Variants in CCDC126 observed in about 807,000 individuals in gnomAD.
CCDC126 encodes coiled-coil domain containing 126, also known as coiled-coil domain-containing protein 126.
In CCDC126, 5 loss-of-function variants were observed where a neutral mutation model predicts 11.7. The ratio of observed to expected loss-of-function variants is 0.43; its 90% CI spans 0.22 to 0.90. The LOEUF is 0.90. Among genes scored for constraint, CCDC126 ranks in the 40% least tolerant of loss-of-function variants. CCDC126 has a pLI of 0.27. For synonymous variants in CCDC126, 60 were observed against 61.9 expected (o/e 0.97, Z 0.14); for missense variants, 150 against 163.1 (o/e 0.92, Z 0.44).
rs1324863611 is a variant in CCDC126 at position 23,636,793 on chromosome 7, C to G, written c.239-6138C>G. ...GTGGGGGGGGGGTCAGCCCCCCGCC[C>G]GGCCAGCCGCCCCGTCCGGGAGGTG... On this transcript the variant is annotated intron_variant, in intron 3 of 3. Coordinates refer to ENST00000307471, the MANE Select transcript of CCDC126 (RefSeq NM_138771.4). Among the ~76,000 whole-genome samples the G allele has an allele frequency of 5.2e-5, 7 of 135,900 alleles. 1 individual carries two copies. Among genetic ancestry groups the G allele is most frequent in the Non-Finnish European group, 1.6e-5 (1 of 62,204 alleles). The allele number at this position is 135,900 out of a possible 152,430, so 89.2% of individuals were successfully genotyped here. A position where few individuals can be genotyped will look rare whatever the true frequency, so the allele number is the denominator to read the frequency against.
At chr7:23,623,755 T>C (rs1294287383) in intron 3 of CCDC126, among the ~76,000 whole-genome samples, 1 of 152,194 alleles carries the variant, frequency 6.6e-6, no homozygotes, top group Non-Finnish European at 1.5e-5. Context: ...CACAGAAATA[T>C]ATTTGAAGTA....
intron 3 of CCDC126, among the ~76,000 whole-genome samples, chr7:23,627,941 T>C (rs114541736): frequency 3.4e-3 from 511 of 152,266 alleles, no homozygotes; most frequent in African/African-American, 0.012. Context: ...AAATAATAGT[T>C]TAAAAATTAT....
At position 23,643,791 on chromosome 7, in the gene CCDC126, G is replaced by T. The variant is rs1783409306; in HGVS notation, c.*676G>T. 1 of 152,118 alleles carries T rather than the reference G, an allele frequency of 6.6e-6. No individual in the cohort carries two copies. Among genetic ancestry groups the T allele is most frequent in the Non-Finnish European group, 1.5e-5 (1 of 67,962 alleles). The allele number at this position is 152,118 out of a possible 1,614,324, so 9.4% of individuals were successfully genotyped here. A position where few individuals can be genotyped will look rare whatever the true frequency, so the allele number is the denominator to read the frequency against. On this transcript the variant is annotated 3_prime_UTR_variant, in exon 4 of 4. Transcript: ENST00000307471. Reference sequence around the variant, plus strand: ...TCCATTACCTATCGTAAACATTGGGGCAATTTAATAACAGCATTAAAATAG... The same window carrying T: ...TCCATTACCTATCGTAAACATTGGGTCAATTTAATAACAGCATTAAAATAG...
chr7:23,622,624 A>G, intron 3 of CCDC126: 2 of 536,304 alleles, frequency 3.7e-6, no homozygotes, highest in Non-Finnish European at 7.6e-6. Context: ...CTCTAAGGAT[A>G]GCCAAGGATC....
intron 3 of CCDC126, among the ~76,000 whole-genome samples, chr7:23,635,567 A>G (rs991070436): frequency 6.6e-6 from 1 of 152,244 alleles, no homozygotes; most frequent in African/African-American, 2.4e-5. Flanking sequence ...CTGATATTCA[A>G]TGAAGTGATT....
chr7:23,628,878 T>C (rs1011404780), intron 3 of CCDC126, among the ~76,000 whole-genome samples: 4 of 152,080 alleles, frequency 2.6e-5, no homozygotes, highest in African/African-American at 9.7e-5. Flanking sequence ...GGAACTCCCT[T>C]CTCCACCCAG....
intron 3 of CCDC126, among the ~76,000 whole-genome samples, chr7:23,633,631 AGGAG>A (rs1478735759): frequency 6.6e-6 from 1 of 152,148 alleles, no homozygotes; most frequent in African/African-American, 2.4e-5. Context: ...TGGGAGGCCA[AGGAG>A]GGAGGATCAC....
intron 2 of CCDC126, among the ~76,000 whole-genome samples, chr7:23,602,677 G>T (rs1782563324): frequency 6.6e-6 from 1 of 152,156 alleles, no homozygotes; most frequent in African/African-American, 2.4e-5. Flanking sequence ...TAAAGGTTTT[G>T]TTGGAAGGAA....
At chr7:23,603,298 C>T (rs1220656784) in intron 2 of CCDC126, among the ~76,000 whole-genome samples, 1 of 152,206 alleles carries the variant, frequency 6.6e-6, no homozygotes, top group African/African-American at 2.4e-5. Context: ...ATACAGTTTA[C>T]TTGAAACTTT....
intron 2 of CCDC126, chr7:23,604,285 A>G (rs1782587482): frequency 6.6e-6 from 1 of 152,240 alleles, no homozygotes; most frequent in African/African-American, 2.4e-5. Context: ...AACAGGTAAG[A>G]CACATGCTGG....
chr7:23,607,031 C>T lies in CCDC126; in HGVS notation c.-145-4140C>T, dbSNP rs115521346. ...GGAGGATTGCTTGAGCCCGGAAGGC[C>T]GAGGCTGCAGTGAGCTGAGATCGTG... On this transcript the variant is annotated intron_variant, in intron 2 of 3. Transcript: ENST00000307471. Among the ~76,000 whole-genome samples the T allele has an allele frequency of 1.9e-3, 286 of 152,080 alleles. 6 individuals are homozygous for T. In the East Asian group the frequency reaches 0.047, roughly 25 times the overall value.
At chr7:23,627,591 G>T (rs1783037556) in intron 3 of CCDC126, among the ~76,000 whole-genome samples, 1 of 151,684 alleles carries the variant, frequency 6.6e-6, no homozygotes, top group Non-Finnish European at 1.5e-5. Context: ...AAGAAAGACT[G>T]TATAAATATT....
Position 23,613,330 on chromosome 7 carries a change from C to T in CCDC126, c.238+1777C>T, listed in dbSNP as rs1782747019. 2.0e-5 allele frequency among the ~76,000 whole-genome samples: 3 copies of T among 152,022 alleles called. No individual in the cohort carries two copies. In the South Asian group the frequency reaches 6.2e-4, roughly 32 times the overall value. On this transcript the variant is annotated intron_variant, in intron 3 of 3. Transcript: ENST00000307471. ...CCTGTCTCAAAAAAAAAAAGTGGTACATGCATGTATTTAAATAATCAAAGT... is the reference window on the plus strand; with the variant it reads ...CCTGTCTCAAAAAAAAAAAGTGGTATATGCATGTATTTAAATAATCAAAGT...
intron 3 of CCDC126, among the ~76,000 whole-genome samples, chr7:23,632,655 G>A (rs916917181): frequency 3.3e-5 from 5 of 152,132 alleles, no homozygotes; most frequent in African/African-American, 9.7e-5. Flanking sequence ...TGGAATTTTT[G>A]TATTTATTAT....
intron 3 of CCDC126, among the ~76,000 whole-genome samples, chr7:23,626,892 G>A (rs2128019454): frequency 6.6e-6 from 1 of 152,308 alleles, no homozygotes; most frequent in South Asian, 2.1e-4. Flanking sequence ...GTTAATGTGT[G>A]CTTTCTCTTT....
At chr7:23,632,443 G>A (rs181444490) in intron 3 of CCDC126, among the ~76,000 whole-genome samples, 46 of 152,290 alleles carry the variant, frequency 3.0e-4, no homozygotes, top group African/African-American at 1.1e-3. Flanking sequence ...AGTATTTGAA[G>A]ATCAATCATT....
At chr7:23,633,258 CT>C (rs1783146866) in intron 3 of CCDC126, among the ~76,000 whole-genome samples, 1 of 152,184 alleles carries the variant, frequency 6.6e-6, no homozygotes, top group Non-Finnish European at 1.5e-5. Flanking sequence ...TCCCAAAGTG[CT>C]GGGATTACAG....
At chr7:23,612,810 TTTTGCC>T (rs1264247704) in intron 3 of CCDC126, among the ~76,000 whole-genome samples, 1 of 152,148 alleles carries the variant, frequency 6.6e-6, no homozygotes, top group Non-Finnish European at 1.5e-5. Flanking sequence ...AAGAAGCAGG[TTTTGCC>T]TATATATCTC....
intron 3 of CCDC126, among the ~76,000 whole-genome samples, chr7:23,615,937 A>G (rs1207712545): frequency 6.6e-6 from 1 of 152,270 alleles, no homozygotes; most frequent in African/African-American, 2.4e-5. Flanking sequence ...CCCAAATGTG[A>G]CAGAGACACA....
Sources: allele counts gnomAD v4.1 joint callset (sites outside exome capture counted in the v4.1 genomes callset), GRCh38; gene constraint gnomAD v4.1.1; transcripts MANE v1.5; gene names NCBI Gene and HGNC (gene_info 2026-07-23, HGNC 2026-07-21).